GARNL3: variants seen among roughly 807,000 people sequenced by gnomAD.
GARNL3 encodes GTPase activating Rap/RanGAP domain like 3, also known as GTPase-activating Rap/Ran-GAP domain-like protein 3.
GARNL3 carries 63 observed loss-of-function variants against 125.0 expected under a neutral mutation model. That is an observed-to-expected ratio of 0.50 (90% CI 0.41 to 0.62). The LOEUF (loss-of-function observed/expected upper bound fraction) is 0.62. GARNL3 is among the 20% of genes least tolerant of loss of function. The probability of loss-of-function intolerance (pLI) is 0.00; values close to 1 mark genes in which losing one functional copy is unlikely to be tolerated. For missense variants in GARNL3, 994 were observed against 1,244.0 expected (o/e 0.80, Z 3.02); for synonymous variants, 439 against 457.5 (o/e 0.96, Z 0.52).
At chr9:127,329,781 G>A (rs1588868528) in intron 7 of GARNL3, among the ~76,000 whole-genome samples, 1 of 152,134 alleles carries the variant, frequency 6.6e-6, no homozygotes. Context: ...CGTTCACTTA[G>A]TTCCAGCCAT....
intron 1 of GARNL3, among the ~76,000 whole-genome samples, chr9:127,239,718 A>T (rs1448914896): frequency 1.3e-5 from 2 of 152,230 alleles, no homozygotes; most frequent in East Asian, 3.8e-4. Flanking sequence ...CATATTTTTT[A>T]AAATTAGAAA....
chr9:127,271,297 G>A (rs188105723), intron 1 of GARNL3, among the ~76,000 whole-genome samples: 1 of 150,434 alleles, frequency 6.6e-6, no homozygotes, highest in East Asian at 1.9e-4. Flanking sequence ...TAGGAATAAT[G>A]TTTATTTGCC....
At chr9:127,264,584 C>T, upstream of GARNL3, 1 of 1,069,176 alleles carries the variant, frequency 9.4e-7, no homozygotes, top group Non-Finnish European at 1.1e-6. Flanking sequence ...GGTTCAGCAG[C>T]TTTGTCCCTT....
In GARNL3 at chr9:127,337,986, C is replaced by T; in HGVS notation, c.983-130C>T. 5 of 741,968 alleles carry T rather than the reference C, an allele frequency of 6.7e-6. No individual in the cohort carries two copies. The Admixed American group carries it at 9.9e-5, about 15-fold the overall frequency. The allele number at this position is 741,968 out of a possible 1,614,324, so 46.0% of individuals were successfully genotyped here. A position where few individuals can be genotyped will look rare whatever the true frequency, so the allele number is the denominator to read the frequency against. The stretch of plus-strand genomic sequence containing the variant: ...GAAAGAAGTATGGGTTCTGTCCCAA[C>T]CTAAGAGTGATAGGTGCCCTAAGCA... On this transcript the variant is annotated intron_variant, in intron 11 of 27. Coordinates refer to ENST00000373387, the MANE Select transcript of GARNL3 (RefSeq NM_032293.5).
intron 22 of GARNL3, among the ~76,000 whole-genome samples, chr9:127,371,859 G>GT (rs1831625381): frequency 6.6e-6 from 1 of 152,150 alleles, no homozygotes; most frequent in Non-Finnish European, 1.5e-5. Flanking sequence ...TTTGACAAAG[G>GT]TGCGAAGGCA....
chr9:127,337,981 C>G (rs1829644108), intron 11 of GARNL3, 135 bp from the exon 12 acceptor site: 1 of 713,984 alleles, frequency 1.4e-6, no homozygotes, highest in African/African-American at 1.8e-5. Flanking sequence ...TGGGTTCTGT[C>G]CCAACCTAAG....
At chr9:127,330,925 T>C (rs1170897267) in intron 7 of GARNL3, among the ~76,000 whole-genome samples, 1 of 152,154 alleles carries the variant, frequency 6.6e-6, no homozygotes, top group Non-Finnish European at 1.5e-5. Context: ...CCTTAGAACT[T>C]GGATTTTCGG....
chr9:127,368,789 G>T (rs1226801972), intron 22 of GARNL3, among the ~76,000 whole-genome samples: 9 of 151,908 alleles, frequency 5.9e-5, no homozygotes, highest in Non-Finnish European at 2.9e-5. Flanking sequence ...ACAAAAATCA[G>T]CCAGGAGTGG....
intron 1 of GARNL3, among the ~76,000 whole-genome samples, chr9:127,276,082 C>G (rs1177248166): frequency 1.3e-5 from 2 of 152,018 alleles, no homozygotes; most frequent in South Asian, 2.1e-4. Flanking sequence ...GCCAAGGTCA[C>G]CAAAGATTTC....
chr9:127,342,557 A>G (rs1829918277), intron 14 of GARNL3, among the ~76,000 whole-genome samples: 1 of 152,182 alleles, frequency 6.6e-6, no homozygotes, highest in Non-Finnish European at 1.5e-5. Context: ...CCAGAAAGCC[A>G]GGGCCTGTGG....
At chr9:127,261,044 T>A (rs1283478070), upstream of GARNL3, among the ~76,000 whole-genome samples, 2 of 152,010 alleles carry the variant, frequency 1.3e-5, no homozygotes, top group Non-Finnish European at 2.9e-5. Context: ...TCACCTGAGG[T>A]CAGGAGTTCG....
Position 127,287,847 on chromosome 9 carries a change from A to G in GARNL3, c.145-3321A>G, listed in dbSNP as rs117545241. Among the ~76,000 whole-genome samples, 1,249 of 152,280 alleles carry G rather than the reference A, an allele frequency of 8.2e-3. 11 individuals are homozygous for G. The highest frequency in any genetic ancestry group is 0.014 in the Non-Finnish European group (934 of 68,032). ...CCTTCACTTTGGCCTTTCCTTCATG[A>G]TAGAGCTGGTAGAATTTCTTTGACA... On this transcript the variant is annotated intron_variant, in intron 1 of 27. Coordinates refer to ENST00000373387, the MANE Select transcript of GARNL3 (RefSeq NM_032293.5).
Position 127,390,699 on chromosome 9 carries a change from C to G in GARNL3, c.2802C>G (p.Pro934=), listed in dbSNP as rs183474217. 1.9e-6 allele frequency: 3 copies of G among 1,613,950 alleles called. No individual in the cohort carries two copies. The highest frequency in any genetic ancestry group is 2.5e-6 in the Non-Finnish European group (3 of 1,179,896). The change falls in exon 27 of 28, where the codon CCC becomes CCG. Residue 934 remains proline (P), a synonymous_variant. Coordinates refer to ENST00000373387, the MANE Select transcript of GARNL3 (RefSeq NM_032293.5). ...GAGCGCCAAAGGCCAAATCAAAACC[C>G]CGGAAGCGGTTAGAAGAAAGCCAAG... ...SEGAPKAKSK[P]RKRLEESQGG...
At chr9:127,300,825 C>T in intron 2 of GARNL3, 1 of 372,098 alleles carries the variant, frequency 2.7e-6, no homozygotes, top group Admixed American at 3.8e-5. Context: ...CCATTATCTA[C>T]ATTTAGCAAC....
chr9:127,232,549 T>A (rs756789285), intron 1 of GARNL3, among the ~76,000 whole-genome samples: 1 of 152,168 alleles, frequency 6.6e-6, no homozygotes, highest in Non-Finnish European at 1.5e-5. Flanking sequence ...GCTCAAGTGA[T>A]CCTTCCACCT....
rs1403593207 is a variant in GARNL3 at position 127,243,081 on chromosome 9, C to T, written c.-26C>T. On this transcript the variant is annotated splice_region_variant and 5_prime_UTR_variant, in exon 2 of 11. Transcript: ENST00000439286. ...CTTTCCCAACTCTTCTGTTTCAGGA[C>T]AGCTGCCCAGCCTCCAGGCCCACTG... is the stretch of plus-strand genomic sequence containing the variant. 10 of 1,355,588 alleles carry T rather than the reference C, an allele frequency of 7.4e-6. No individual in the cohort carries two copies. In the South Asian group the frequency reaches 1.2e-4, roughly 16 times the overall value. The allele number at this position is 1,355,588 out of a possible 1,614,324, so 84.0% of individuals were successfully genotyped here. A position where few individuals can be genotyped will look rare whatever the true frequency, so the allele number is the denominator to read the frequency against.
Position 127,255,170 on chromosome 9 carries a change from T to C in GARNL3, c.144-9782T>C, listed in dbSNP as rs1394450365. Among the ~76,000 whole-genome samples the C allele has an allele frequency of 1.1e-4, 16 of 152,218 alleles. 1 individual carries two copies. Among genetic ancestry groups the C allele is most frequent in the Admixed American group, 1.0e-3 (16 of 15,278 alleles). On this transcript the variant is annotated intron_variant, in intron 2 of 10. Transcript: ENST00000439286. ...CTGGGTATGGAATCTAGGGATATGA[T>C]TGCACTGGTATTCAAGGTGGCATGT...
intron 2 of GARNL3, among the ~76,000 whole-genome samples, chr9:127,258,454 G>A (rs1467576043): frequency 6.6e-6 from 1 of 152,066 alleles, no homozygotes; most frequent in East Asian, 1.9e-4. Flanking sequence ...AACCAGGACA[G>A]CATGGCAAAA....
intron 2 of GARNL3, chr9:127,300,436 C>T (rs1401284538): frequency 4.9e-6 from 2 of 409,416 alleles, no homozygotes; most frequent in Non-Finnish European, 9.5e-6. Context: ...GTTCCTTGAC[C>T]CTCATTAATT....
Sources: gnomAD v4.1 joint callset for allele counts (sites outside exome capture counted in the v4.1 genomes callset) on GRCh38, gnomAD v4.1.1 for gene constraint, MANE v1.5 for transcripts, NCBI Gene and HGNC (gene_info 2026-07-23, HGNC 2026-07-21) for gene names.